Variants in HGFAC observed in about 807,000 individuals in gnomAD.
HGFAC encodes hepatocyte growth factor activator serine protease.
A neutral mutation model predicts 70.6 loss-of-function variants in HGFAC; 76 were observed. The observed-to-expected ratio is 1.08, with a 90% CI of 0.89 to 1.30. The LOEUF is 1.30. HGFAC is among the 50% of genes most tolerant of loss of function. The pLI, the probability that HGFAC is intolerant of heterozygous loss-of-function variation, is 0.00. For synonymous variants in HGFAC, 464 were observed against 405.3 expected (o/e 1.14, Z -1.74); for missense variants, 1,044 against 933.7 (o/e 1.12, Z -1.54).
In HGFAC at chr4:3,448,184, C is replaced by A. The variant is rs1179004645; in HGVS notation, c.1693C>A (p.His565Asn). The change falls in exon 13 of 14, where the codon CAC becomes AAC. Residue 565 changes from histidine (H) to asparagine (N), a missense_variant. By Grantham distance (68) the His-to-Asn change is moderately conservative (BLOSUM62 1). Coordinates refer to ENST00000382774, the MANE Select transcript of HGFAC (RefSeq NM_001528.4). ...REALVPLVADHKCSSPEVYGA... is the reference protein window; with the variant it reads ...REALVPLVADNKCSSPEVYGA... ...GGCCCTGGTCCCCCTGGTCGCCGACCACAAGTGCAGCAGCCCTGAGGTCTA... is the reference window on the plus strand; with the variant it reads ...GGCCCTGGTCCCCCTGGTCGCCGACAACAAGTGCAGCAGCCCTGAGGTCTA... 3 of 1,604,750 alleles carry A rather than the reference C, an allele frequency of 1.9e-6. No homozygotes were observed. The highest frequency in any genetic ancestry group is 2.0e-4 in the Middle Eastern group (1 of 5,014).
Position 3,442,851 on chromosome 4 carries a change from A to T in HGFAC, c.237A>T (p.Gln79His). Residue 79 changes from glutamine to histidine, a missense_variant, in exon 2 of 14, where the codon CAA becomes CAT. Gln to His is a conservative substitution (Grantham distance 24). Coordinates refer to ENST00000382774, the MANE Select transcript of HGFAC (RefSeq NM_001528.4). ...GTGCTCCAGAGGCAGAGGGACCCCA[A>T]AGTGGGGGGCTCCCGCCCCCGCCCA... ...ATSAPEAEGP[Q>H]SGGLPPPPRA... 6.3e-7 allele frequency: 1 copy of T among 1,583,928 alleles called. No individual in the cohort carries two copies. Among genetic ancestry groups the T allele is most frequent in the Non-Finnish European group, 8.6e-7 (1 of 1,167,286 alleles).
Position 3,444,827 on chromosome 4 carries a change from G to A in HGFAC, c.850G>A (p.Glu284Lys), listed in dbSNP as rs1335090219. Residue 284 changes from glutamate to lysine, a missense_variant, in exon 8 of 14, where the codon GAG (glutamate) becomes AAG (lysine). Coordinates refer to ENST00000382774, the MANE Select transcript of HGFAC (RefSeq NM_001528.4). Reference protein sequence around the residue: ...AGRLCNIEPDERCFLGNGTGY... With the variant: ...AGRLCNIEPDKRCFLGNGTGY... ...TGCCCCTCTGCCCGCAGAGCCTGAT[G>A]AGCGCTGCTTCTTGGGGAACGGCAC... 6 of 1,596,120 alleles carry A rather than the reference G, an allele frequency of 3.8e-6. No individual in the cohort carries two copies. Among genetic ancestry groups the A allele is most frequent in the Non-Finnish European group, 5.1e-6 (6 of 1,171,066 alleles).
chr4:3,443,283 G>A lies in HGFAC; in HGVS notation c.396-58G>A, dbSNP rs1725375946. ...GAACCCAGAGACCCTCCAGGGTGGT[G>A]GGGTGGGGTGGGGGGCCTCTGCCTG... is the stretch of plus-strand genomic sequence containing the variant. On this transcript the variant is annotated intron_variant, in intron 3 of 13. Coordinates refer to ENST00000382774, the MANE Select transcript of HGFAC (RefSeq NM_001528.4). The A allele has an allele frequency of 2.1e-6, 3 of 1,425,604 alleles. No individual in the cohort carries two copies. In the African/African-American group the frequency reaches 4.3e-5, roughly 20 times the overall value. 88.3% of individuals were successfully genotyped at this position (1,425,604 alleles called of 1,614,324 possible).
In HGFAC at chr4:3,447,475, C is replaced by T. The variant is rs778689220; in HGVS notation, c.1356-17C>T. The T allele has an allele frequency of 6.8e-6, 11 of 1,611,850 alleles. No homozygotes were observed. The African/African-American group carries it at 1.5e-4, about 22-fold the overall frequency. Reference sequence around the variant, plus strand: ...GGGGAGGGCTGGTCCATGCAGCCTCCAGCCCCCCTTGCACAGCCCCCCCAG... The same window carrying T: ...GGGGAGGGCTGGTCCATGCAGCCTCTAGCCCCCCTTGCACAGCCCCCCCAG... On this transcript the variant is annotated splice_polypyrimidine_tract_variant and intron_variant, in intron 10 of 13. Transcript: ENST00000382774.
rs777902295 is a variant in HGFAC, at chr4:3,444,432, C to G, written c.720C>G (p.Thr240=). The stretch of plus-strand genomic sequence containing the variant: ...GGGGCCGGACCTGGTGCGAAGGCAC[C>G]CGACATACAGGTGCGCCACGGGGTG... ...CFGGRTWCEG[T]RHTACLSSPC... The change falls in exon 6 of 14, where the codon ACC becomes ACG. Residue 240 remains threonine, a synonymous_variant. Transcript: ENST00000382774. 3.8e-6 allele frequency: 6 copies of G among 1,598,660 alleles called. No individual in the cohort carries two copies. The South Asian group carries it at 5.7e-5, about 15-fold the overall frequency.
intron 1 of HGFAC, among the ~76,000 whole-genome samples, 196 bp downstream of exon 1, chr4:3,442,314 G>A (rs1295713579): frequency 6.6e-6 from 1 of 152,192 alleles, no homozygotes; most frequent in African/African-American, 2.4e-5. Flanking sequence ...TGGGGCCTGG[G>A]CTCACGGAGC....
intron 1 of HGFAC, 68 bp downstream of exon 1, chr4:3,442,186 G>C: frequency 8.0e-7 from 1 of 1,255,714 alleles, no homozygotes; most frequent in Non-Finnish European, 1.1e-6. Context: ...TTGGGAGGAG[G>C]CCAGAGGGAG....
In HGFAC at chr4:3,444,652, G is replaced by T. The variant is rs1252294124; in HGVS notation, c.760G>T (p.Gly254Cys). 1 of 1,597,886 alleles carries T rather than the reference G, an allele frequency of 6.3e-7. No homozygotes were observed. Among genetic ancestry groups the T allele is most frequent in the East Asian group, 2.2e-5 (1 of 44,792 alleles). ...ACLSSPCLNG[G>C]TCHLIVATGT... ...TCTGAGCAGCCCTTGCCTGAACGGG[G>T]GCACCTGCCACCTGATCGTGGCCAC... Residue 254 changes from glycine to cysteine, a missense_variant, in exon 7 of 14, where the codon GGC (glycine) becomes TGC (cysteine). By Grantham distance (159) the Gly-to-Cys change is radical (BLOSUM62 -3). Transcript: ENST00000382774.
chr4:3,443,461 C>G (rs997688894), intron 4 of HGFAC, 41 bp downstream of exon 4: 2 of 1,291,388 alleles, frequency 1.5e-6, no homozygotes, highest in Non-Finnish European at 1.0e-6. Context: ...GCAGGGGGCA[C>G]TGGGCCAGGC....
intron 9 of HGFAC, chr4:3,445,808 C>G: frequency 7.0e-7 from 1 of 1,433,486 alleles, no homozygotes; most frequent in Non-Finnish European, 9.5e-7. Context: ...GCCACAAAGG[C>G]CTCCGTGTGT....
chr4:3,443,020 A>G, intron 2 of HGFAC, 30 bp from the exon 3 acceptor site: 6 of 1,561,070 alleles, frequency 3.8e-6, no homozygotes, highest in Non-Finnish European at 5.2e-6. Context: ...CCCTCGAGGG[A>G]GCCCTGACCC....
chr4:3,449,475 T>C lies in HGFAC; in HGVS notation c.*56T>C. ...TTCCCTGCCTTGCTGACAATAAAGATATTTCCAAGAACCCGGCCCACGCTG... is the reference window on the plus strand; with the variant it reads ...TTCCCTGCCTTGCTGACAATAAAGACATTTCCAAGAACCCGGCCCACGCTG... On this transcript the variant is annotated 3_prime_UTR_variant, in exon 14 of 14. Coordinates refer to ENST00000382774, the MANE Select transcript of HGFAC (RefSeq NM_001528.4). 1 of 1,471,732 alleles carries C rather than the reference T, an allele frequency of 6.8e-7. No homozygotes were observed. The highest frequency in any genetic ancestry group is 9.1e-7 in the Non-Finnish European group (1 of 1,103,128). The allele number at this position is 1,471,732 out of a possible 1,614,324, so 91.2% of individuals were successfully genotyped here. A position where few individuals can be genotyped will look rare whatever the true frequency, so the allele number is the denominator to read the frequency against.
In HGFAC at chr4:3,442,728, C is replaced by T. The variant is rs1725354343; in HGVS notation, c.118-4C>T. The T allele has an allele frequency of 2.0e-6, 3 of 1,492,170 alleles. No homozygotes were observed. In the South Asian group the frequency reaches 4.2e-5, roughly 21 times the overall value. The allele number at this position is 1,492,170 out of a possible 1,614,324, so 92.4% of individuals were successfully genotyped here. A position where few individuals can be genotyped will look rare whatever the true frequency, so the allele number is the denominator to read the frequency against. On this transcript the variant is annotated splice_polypyrimidine_tract_variant and splice_region_variant and intron_variant, in intron 1 of 13. Transcript: ENST00000382774. ...CACACTGACACCCTTTCTGCTCCTC[C>T]TAGAACCGTACGGAGTCCCCAGAAC...
chr4:3,447,977 C>A lies in HGFAC; in HGVS notation c.1578C>A (p.Gly526=). The part of the protein sequence containing the change: ...FVQPICLPEP[G]STFPAGHKCQ... Reference sequence around the variant, plus strand: ...AGCCCATCTGCCTGCCCGAGCCCGGCAGCACCTTCCCCGCAGGACACAAGT... The same window carrying A: ...AGCCCATCTGCCTGCCCGAGCCCGGAAGCACCTTCCCCGCAGGACACAAGT... Residue 526 remains glycine (G), a synonymous_variant, in exon 12 of 14, where the codon GGC becomes GGA. Transcript: ENST00000382774. 1 of 1,587,574 alleles carries A rather than the reference C, an allele frequency of 6.3e-7. No individual in the cohort carries two copies. Among genetic ancestry groups the A allele is most frequent in the Non-Finnish European group, 8.6e-7 (1 of 1,167,716 alleles).
chr4:3,445,494 A>G (rs1725475716), intron 9 of HGFAC, 144 bp downstream of exon 9: 1 of 686,292 alleles, frequency 1.5e-6, no homozygotes, highest in Non-Finnish European at 2.6e-6. Context: ...AGGCTGGTCC[A>G]AGGTCACGCA....
intron 9 of HGFAC, 133 bp from the exon 10 acceptor site, chr4:3,445,909 C>G (rs1380628937): frequency 6.4e-7 from 1 of 1,550,706 alleles, no homozygotes; most frequent in African/African-American, 1.4e-5. Flanking sequence ...GAGTGGGCGC[C>G]AGGGCCTGAG....
chr4:3,441,238 C>T (rs1471433165), upstream of HGFAC, among the ~76,000 whole-genome samples: 3 of 152,116 alleles, frequency 2.0e-5, no homozygotes, highest in Non-Finnish European at 4.4e-5. The surrounding 1 kb of genome is among the most constrained non-coding windows in gnomAD (Gnocchi z 6.0). Flanking sequence ...ATCCAGGCGG[C>T]GGTGGGGAGC....
chr4:3,441,084 G>A (rs1045573678), upstream of HGFAC, among the ~76,000 whole-genome samples: 4 of 152,124 alleles, frequency 2.6e-5, no homozygotes, highest in African/African-American at 4.8e-5. The surrounding 1 kb of genome is among the most constrained non-coding windows in gnomAD (Gnocchi z 6.0). Context: ...CCGAGGTGCC[G>A]TAGCGGCTGC....
At chr4:3,444,487 T>A in intron 6 of HGFAC, 45 bp downstream of exon 6, 1 of 1,546,350 alleles carries the variant, frequency 6.5e-7, no homozygotes. Flanking sequence ...CTGACGGGTG[T>A]CCCTGTCCAC....
Sources: gnomAD v4.1 joint callset for allele counts (sites outside exome capture counted in the v4.1 genomes callset) on GRCh38, gnomAD v4.1.1 for gene constraint, Gnocchi (gnomAD v3.1) non-coding constraint, MANE v1.5 for transcripts, NCBI Gene and HGNC (gene_info 2026-07-23, HGNC 2026-07-21) for gene names.